Variants in CAPN14 observed in about 807,000 individuals in gnomAD.
CAPN14 encodes calpain 14, also known as calpain-14.
A neutral mutation model predicts 101.3 loss-of-function variants in CAPN14; 94 were observed. The observed-to-expected ratio is 0.93, with a 90% CI of 0.79 to 1.10. The LOEUF is 1.10. CAPN14 is among the 50% of genes least tolerant of loss of function. The pLI is 0.00. For synonymous variants in CAPN14, 338 were observed against 317.9 expected (o/e 1.06, Z -0.67); for missense variants, 837 against 828.4 (o/e 1.01, Z -0.13).
At position 31,187,688 on chromosome 2, in the gene CAPN14, C is replaced by T. The variant is rs539877972; in HGVS notation, c.1587+70G>A. 86 of 1,377,042 alleles carry T rather than the reference C, an allele frequency of 6.2e-5. No individual in the cohort carries two copies. In the African/African-American group the frequency reaches 1.1e-3, roughly 18 times the overall value. 85.3% of individuals were successfully genotyped at this position (1,377,042 alleles called of 1,614,324 possible). Reference sequence around the variant, plus strand: ...AGCCTCAAGCAGGTGCAAACCTATACTTTATAAAATGAGAAGCTCCACTTC... The same window carrying T: ...AGCCTCAAGCAGGTGCAAACCTATATTTTATAAAATGAGAAGCTCCACTTC... On this transcript the variant is annotated intron_variant, in intron 15 of 21. Transcript: ENST00000403897.
At position 31,201,475 on chromosome 2, in the gene CAPN14, G is replaced by A. The variant is rs565981042; in HGVS notation, c.551+387C>T. 2.6e-5 allele frequency among the ~76,000 whole-genome samples: 4 copies of A among 152,288 alleles called. No homozygotes were observed. The East Asian group carries it at 5.8e-4, about 22-fold the overall frequency. On this transcript the variant is annotated intron_variant, in intron 5 of 21. Transcript: ENST00000403897. ...GCTGGGGACAGCAGTGATCAGCTAC[G>A]TTGAGAGGGTTTCATTCAAAACAAA...
At chr2:31,176,387 C>T (rs1413206011) in intron 21 of CAPN14, among the ~76,000 whole-genome samples, 200 bp downstream of exon 21, 2 of 152,214 alleles carry the variant, frequency 1.3e-5, no homozygotes, top group Admixed American at 6.5e-5. Context: ...TTCATATGTG[C>T]CTGGCACAAA....
intron 1 of CAPN14, among the ~76,000 whole-genome samples, chr2:31,211,647 T>C (rs1682406862): frequency 6.9e-6 from 1 of 145,104 alleles, no homozygotes; most frequent in African/African-American, 2.5e-5. Flanking sequence ...GCCCCAATAT[T>C]ATTAAATGAG....
intron 16 of CAPN14, among the ~76,000 whole-genome samples, chr2:31,185,771 A>C (rs193000345): frequency 6.6e-6 from 1 of 152,334 alleles, no homozygotes; most frequent in Admixed American, 6.5e-5. Flanking sequence ...AAGAAGAAGC[A>C]ATCATCTAAC....
At chr2:31,199,652 G>A in intron 6 of CAPN14, 120 bp from the exon 7 acceptor site, 1 of 728,456 alleles carries the variant, frequency 1.4e-6, no homozygotes, top group African/African-American at 1.8e-5. Flanking sequence ...AGATAATCAT[G>A]GTATGGTACA....
At chr2:31,185,140 C>G (rs929389601) in intron 16 of CAPN14, among the ~76,000 whole-genome samples, 2 of 152,178 alleles carry the variant, frequency 1.3e-5, no homozygotes, top group Non-Finnish European at 2.9e-5. Context: ...CTCCAATAAG[C>G]CTATATTCCA....
chr2:31,197,621 T>C lies in CAPN14; in HGVS notation c.790-287A>G, dbSNP rs1280377759. On this transcript the variant is annotated intron_variant, in intron 7 of 21. Coordinates refer to ENST00000403897, the MANE Select transcript of CAPN14 (RefSeq NM_001145122.2). ...ATCTTCCCTCCCCAAAGAGGATATG[T>C]ACACTTAGAACCTGTGAACATGACC... is the stretch of plus-strand genomic sequence containing the variant. Among the ~76,000 whole-genome samples the C allele has an allele frequency of 3.3e-5, 5 of 152,240 alleles. No homozygotes were observed. The East Asian group carries it at 9.6e-4, about 29-fold the overall frequency.
chr2:31,180,986 G>A lies in CAPN14; in HGVS notation c.1660C>T (p.Gln554Ter). The stretch of plus-strand genomic sequence containing the variant: ...CAGGCTTCCAGGCTAAAGAAGGGCT[G>A]TCTGCTCCCCAGACCTGTGAAGGAG... ...QMTWSSLGSRQPFFSLEACQG... is the reference protein window; with the variant it reads ...QMTWSSLGSR Residue 554 changes from glutamine to a stop codon, truncating the protein, a stop_gained, in exon 17 of 22, where the codon CAG becomes TAG. Transcript: ENST00000403897. LOFTEE classifies it high-confidence loss of function. The A allele has an allele frequency of 1.3e-6, 2 of 1,551,818 alleles. No individual in the cohort carries two copies. The highest frequency in any genetic ancestry group is 8.7e-7 in the Non-Finnish European group (1 of 1,146,990).
upstream of CAPN14, chr2:31,217,585 C>A (rs1352624710): frequency 6.6e-6 from 1 of 152,238 alleles, no homozygotes; most frequent in African/African-American, 2.4e-5. Flanking sequence ...CAAGAATTTG[C>A]GACCCCACCT....
At chr2:31,211,868 A>C (rs755055046) in intron 1 of CAPN14, among the ~76,000 whole-genome samples, 27 of 152,170 alleles carry the variant, frequency 1.8e-4, no homozygotes, top group Non-Finnish European at 3.4e-4. Context: ...ACAATATTTA[A>C]AAAAAAGCAA....
chr2:31,184,386 C>A (rs1018347135), intron 16 of CAPN14, among the ~76,000 whole-genome samples: 2 of 152,236 alleles, frequency 1.3e-5, no homozygotes, highest in Non-Finnish European at 2.9e-5. Context: ...TTCTAAACAT[C>A]TGAATATTTC....
At chr2:31,199,571 T>C (rs772753790) in intron 6 of CAPN14, 39 bp from the exon 7 acceptor site, 18 of 1,508,824 alleles carry the variant, frequency 1.2e-5, no homozygotes, top group African/African-American at 4.2e-5. Flanking sequence ...TCTTCTGTTA[T>C]GTACAGCTTA....
intron 1 of CAPN14, among the ~76,000 whole-genome samples, chr2:31,216,567 G>C (rs1033129051): frequency 6.6e-6 from 1 of 151,964 alleles, no homozygotes; most frequent in Admixed American, 6.6e-5. Context: ...TCTGTGAAAT[G>C]GCCAGTACCT....
At chr2:31,192,208 C>T in intron 10 of CAPN14, 110 bp from the exon 11 acceptor site, 1 of 1,251,758 alleles carries the variant, frequency 8.0e-7, no homozygotes, top group Non-Finnish European at 1.1e-6. Context: ...GGATTGACAC[C>T]CTGAGGCCCA....
chr2:31,220,922 A>G (rs1282370776), upstream of CAPN14, among the ~76,000 whole-genome samples: 1 of 152,236 alleles, frequency 6.6e-6, no homozygotes, highest in African/African-American at 2.4e-5. Flanking sequence ...AGAAAAGACA[A>G]TAACAAGTTC....
intron 8 of CAPN14, among the ~76,000 whole-genome samples, chr2:31,196,266 G>A (rs1455276323): frequency 6.6e-6 from 1 of 152,214 alleles, no homozygotes; most frequent in Non-Finnish European, 1.5e-5. Context: ...CAGCTAGAAA[G>A]TAACAACACT....
intron 21 of CAPN14, among the ~76,000 whole-genome samples, chr2:31,175,445 T>G (rs775927972): frequency 1.3e-5 from 2 of 152,248 alleles, no homozygotes; most frequent in Non-Finnish European, 2.9e-5. Context: ...AGTGCAGTTC[T>G]CTTCCTGTGA....
intron 1 of CAPN14, among the ~76,000 whole-genome samples, chr2:31,231,925 T>C (rs1683206204): frequency 6.6e-6 from 1 of 152,236 alleles, no homozygotes; most frequent in African/African-American, 2.4e-5. Flanking sequence ...TATTACTCCT[T>C]AGGTTCGTAT....
intron 2 of CAPN14, among the ~76,000 whole-genome samples, chr2:31,204,948 G>T (rs1681994393): frequency 6.6e-6 from 1 of 152,064 alleles, no homozygotes. Context: ...AGTTTTGTGG[G>T]ATGAACACTC....
Sources: allele counts gnomAD v4.1 joint callset (sites outside exome capture counted in the v4.1 genomes callset), GRCh38; gene constraint gnomAD v4.1.1; transcripts MANE v1.5; gene names NCBI Gene and HGNC (gene_info 2026-07-23, HGNC 2026-07-21).